The following HADHA variants were observed in gnomAD, a reference collection of about 807,000 sequenced individuals.
HADHA encodes trifunctional enzyme subunit alpha, mitochondrial.
In HADHA, 59 loss-of-function variants were observed where a neutral mutation model predicts 91.3. That is an observed-to-expected ratio of 0.65 (90% confidence interval 0.52 to 0.80). The LOEUF (loss-of-function observed/expected upper bound fraction) is 0.80, where lower values mean the gene tolerates loss of function less well. Among genes scored for constraint, HADHA ranks in the 30% least tolerant of loss-of-function variants. The pLI, the probability that HADHA is intolerant of heterozygous loss-of-function variation, is 0.00. For missense variants in HADHA, 800 were observed against 927.6 expected, an observed-to-expected ratio of 0.86 and a Z score of 1.79; for synonymous variants, 320 against 338.9, an observed-to-expected ratio of 0.94 and a Z score of 0.61.
chr2:26,204,430 C>T (rs1050693944), intron 11 of HADHA, among the ~76,000 whole-genome samples: 1 of 152,224 alleles, frequency 6.6e-6, no homozygotes, highest in African/African-American at 2.4e-5. Context: ...CAGAATTATA[C>T]TAATCTTCAA....
rs749236969 is a variant in HADHA at position 26,212,607 on chromosome 2, T to C, written c.938A>G (p.Glu313Gly). The change falls in exon 10 of 20, where the codon GAG (glutamate) becomes GGG (glycine). Residue 313 changes from glutamate (E) to glycine (G), a missense_variant. Coordinates refer to ENST00000380649, the MANE Select transcript of HADHA (RefSeq NM_000182.5). ...GAGATAACCGGCATCACTCCCTTGC[T>C]CAATTCCAGTCTTTACCACCTAAAA... Reference protein sequence around the residue: ...KIIDVVKTGIEQGSDAGYLCE... With the variant: ...KIIDVVKTGIGQGSDAGYLCE... 4 of 1,601,852 alleles carry C rather than the reference T, an allele frequency of 2.5e-6. No homozygotes were observed.
chr2:26,204,996 C>T (rs1165324271), intron 11 of HADHA, among the ~76,000 whole-genome samples: 3 of 152,214 alleles, frequency 2.0e-5, no homozygotes, highest in Non-Finnish European at 4.4e-5. Flanking sequence ...AACACTTCCA[C>T]ATATGCACAT....
At chr2:26,207,974 T>A (rs943156411) in intron 11 of HADHA, among the ~76,000 whole-genome samples, 2 of 152,194 alleles carry the variant, frequency 1.3e-5, no homozygotes, top group African/African-American at 4.8e-5. Context: ...TCTACAATGT[T>A]CATTATTCAA....
chr2:26,197,494 AG>A (rs1448116249), intron 14 of HADHA, among the ~76,000 whole-genome samples, 196 bp downstream of exon 14: 2 of 152,180 alleles, frequency 1.3e-5, no homozygotes, highest in African/African-American at 4.8e-5. Flanking sequence ...ATCCTTGAAA[AG>A]GATATTTTTT....
chr2:26,212,002 G>T, intron 10 of HADHA: 1 of 155,132 alleles, frequency 6.4e-6, no homozygotes, highest in East Asian at 1.9e-4. Context: ...GAAAGGATTA[G>T]AACTCTGTTC....
At chr2:26,215,367 G>A (rs1670190884) in intron 7 of HADHA, among the ~76,000 whole-genome samples, 192 bp from the exon 8 acceptor site, 1 of 152,156 alleles carries the variant, frequency 6.6e-6, no homozygotes, top group South Asian at 2.1e-4. Context: ...GAAACAATAT[G>A]CTCTAGGTAG....
intron 12 of HADHA, among the ~76,000 whole-genome samples, chr2:26,202,314 G>A (rs1333326105): frequency 2.0e-5 from 3 of 152,104 alleles, no homozygotes; most frequent in Non-Finnish European, 4.4e-5. Flanking sequence ...CTTAGATTCC[G>A]TCTGACCACA....
In HADHA at chr2:26,201,174, T is replaced by C. The variant is rs1375455111; in HGVS notation, c.1367A>G (p.His456Arg). 1 of 1,613,970 alleles carries C rather than the reference T, an allele frequency of 6.2e-7. No homozygotes were observed. Residue 456 changes from histidine (H) to arginine (R), a missense_variant, in exon 13 of 20, where the codon CAC (histidine) becomes CGC (arginine). By Grantham distance (29) the His-to-Arg change is conservative (BLOSUM62 0). Coordinates refer to ENST00000380649, the MANE Select transcript of HADHA (RefSeq NM_000182.5). ...CGCTTCTACTTCCTTTAGCACTCTG[T>C]GCTTAAGACTAAGGTCCTCAAACAC... ...EAVFEDLSLK[H>R]RVLKEVEAVI...
intron 12 of HADHA, among the ~76,000 whole-genome samples, chr2:26,203,236 G>C (rs1369406765): frequency 6.6e-6 from 1 of 152,208 alleles, no homozygotes; most frequent in East Asian, 1.9e-4. Context: ...CTGCAGAAAA[G>C]GGATAACAAC....
At chr2:26,195,262 C>T (rs376458931) in intron 14 of HADHA, 30 bp from the exon 15 acceptor site, 20 of 1,598,134 alleles carry the variant, frequency 1.3e-5, no homozygotes, top group African/African-American at 2.7e-5. Flanking sequence ...GCCAACAGAT[C>T]GGAGAATGCG....
At chr2:26,202,974 G>T (rs528654031) in intron 12 of HADHA, among the ~76,000 whole-genome samples, 1 of 152,318 alleles carries the variant, frequency 6.6e-6, no homozygotes, top group African/African-American at 2.4e-5. Context: ...GACGAAAAGG[G>T]GAACCCAGGA....
At chr2:26,231,868 C>G (rs943398177) in intron 6 of HADHA, among the ~76,000 whole-genome samples, 28 of 150,696 alleles carry the variant, frequency 1.9e-4, no homozygotes, top group African/African-American at 6.6e-4. Flanking sequence ...ACTGGGGAGG[C>G]TGAGGCAGGA....
intron 5 of HADHA, 101 bp from the exon 6 acceptor site, chr2:26,232,380 C>T (rs563680884): frequency 1.2e-6 from 1 of 823,570 alleles, no homozygotes; most frequent in South Asian, 1.4e-5. Context: ...CAGGAATGTG[C>T]TCACAGAATA....
chr2:26,196,020 G>C (rs535573030), intron 14 of HADHA, among the ~76,000 whole-genome samples: 1 of 152,296 alleles, frequency 6.6e-6, no homozygotes, highest in African/African-American at 2.4e-5. Flanking sequence ...TCTCACTTTA[G>C]CTATAAGGTA....
chr2:26,215,244 G>C, intron 7 of HADHA, 69 bp from the exon 8 acceptor site: 1 of 1,489,400 alleles, frequency 6.7e-7, no homozygotes, highest in South Asian at 1.1e-5. Context: ...GAAAAACCCA[G>C]ACTTGCCAAA....
At chr2:26,219,159 C>T (rs770224430) in intron 7 of HADHA, among the ~76,000 whole-genome samples, 27 of 151,290 alleles carry the variant, frequency 1.8e-4, no homozygotes, top group Non-Finnish European at 3.5e-4. Context: ...GATGGAGTCT[C>T]GCTCTGTTGC....
At chr2:26,204,642 G>C (rs1216493076) in intron 11 of HADHA, among the ~76,000 whole-genome samples, 1 of 152,102 alleles carries the variant, frequency 6.6e-6, no homozygotes. Context: ...GAGTGCAGTG[G>C]TGCAATCCTA....
chr2:26,241,260 G>A (rs1670880703), intron 1 of HADHA, among the ~76,000 whole-genome samples: 1 of 152,120 alleles, frequency 6.6e-6, no homozygotes, highest in African/African-American at 2.4e-5. Flanking sequence ...ATAATCAACA[G>A]CTTTTCTCAA....
intron 3 of HADHA, among the ~76,000 whole-genome samples, chr2:26,237,931 A>C (rs1226742022): frequency 6.8e-6 from 1 of 146,970 alleles, no homozygotes; most frequent in African/African-American, 2.7e-5. Flanking sequence ...AATGGCTCTT[A>C]TTTACCTTAA....
Sources: allele counts gnomAD v4.1 joint callset (sites outside exome capture counted in the v4.1 genomes callset), GRCh38; gene constraint gnomAD v4.1.1; transcripts MANE v1.5; gene names NCBI Gene and HGNC (gene_info 2026-07-23, HGNC 2026-07-21).